The following SGMS1 variants were observed in gnomAD, a reference collection of about 807,000 sequenced individuals.
SGMS1 encodes the protein phosphatidylcholine:ceramide cholinephosphotransferase 1.
In SGMS1, 13 loss-of-function variants were observed where a neutral mutation model predicts 46.2. The ratio of observed to expected loss-of-function variants is 0.28; its 90% CI spans 0.18 to 0.45. SGMS1 has a LOEUF of 0.45. Among genes scored for constraint, SGMS1 ranks in the 20% least tolerant of loss-of-function variants. SGMS1 has a pLI of 1.00. For synonymous variants in SGMS1, 203 were observed against 187.8 expected, an observed-to-expected ratio of 1.08 and a Z score of -0.66; for missense variants, 324 against 519.9, an observed-to-expected ratio of 0.62 and a Z score of 3.66.
chr10:50,360,777 C>T (rs1332187406), intron 6 of SGMS1, among the ~76,000 whole-genome samples: 2 of 152,230 alleles, frequency 1.3e-5, no homozygotes, highest in Admixed American at 6.5e-5. Flanking sequence ...TCACACAACA[C>T]TCACTTCCTT....
intron 6 of SGMS1, among the ~76,000 whole-genome samples, chr10:50,369,837 ATGG>A (rs550832013): frequency 9.2e-4 from 140 of 152,320 alleles, no homozygotes; most frequent in African/African-American, 2.9e-3. Flanking sequence ...TGATTTTGTC[ATGG>A]TGTGAACATC....
chr10:50,575,803 A>T (rs1199027069), intron 2 of SGMS1, among the ~76,000 whole-genome samples: 1 of 152,218 alleles, frequency 6.6e-6, no homozygotes, highest in Non-Finnish European at 1.5e-5. Context: ...AAAGCAAGAA[A>T]GCTATGGCCC....
intron 1 of SGMS1, among the ~76,000 whole-genome samples, chr10:50,609,612 AAC>A (rs1362381940): frequency 6.7e-6 from 1 of 149,484 alleles, no homozygotes; most frequent in Non-Finnish European, 1.5e-5. Flanking sequence ...GACTATTCTC[AAC>A]AGTTACCTAG....
At chr10:50,432,666 T>C (rs1345392057) in intron 6 of SGMS1, among the ~76,000 whole-genome samples, 1 of 152,154 alleles carries the variant, frequency 6.6e-6, no homozygotes, top group East Asian at 1.9e-4. Flanking sequence ...GACACAAATA[T>C]AAGGAAGAAA....
chr10:50,385,894 G>A (rs1233969609), intron 6 of SGMS1, among the ~76,000 whole-genome samples: 1 of 152,122 alleles, frequency 6.6e-6, no homozygotes, highest in African/African-American at 2.4e-5. Context: ...CCTGTTATGT[G>A]CTGTGAAGGG....
chr10:50,319,628 T>C (rs1021082082), intron 8 of SGMS1, among the ~76,000 whole-genome samples: 1 of 152,232 alleles, frequency 6.6e-6, no homozygotes, highest in Non-Finnish European at 1.5e-5. Context: ...AGTTTCTTTA[T>C]AGAATATTGC....
At position 50,496,474 on chromosome 10, in the gene SGMS1, C is replaced by CAAA. The variant is rs569710566; in HGVS notation, c.-498+23354_-498+23356dup. Among the ~76,000 whole-genome samples, 15 of 152,268 alleles carry CAAA rather than the reference C, an allele frequency of 9.9e-5. No individual in the cohort carries two copies. The East Asian group carries it at 2.9e-3, about 29-fold the overall frequency. Reference sequence around the variant, plus strand: ...CACCACTCCACACTATGCCCATCACCAAACACTACCCAGAAAAGCAACGAG... The same window carrying CAAA: ...CACCACTCCACACTATGCCCATCACCAAAAAACACTACCCAGAAAAGCAACGAG... On this transcript the variant is annotated intron_variant, in intron 3 of 10. Transcript: ENST00000361781.
intron 8 of SGMS1, among the ~76,000 whole-genome samples, chr10:50,325,132 C>T (rs919402044): frequency 6.6e-5 from 10 of 152,050 alleles, no homozygotes; most frequent in South Asian, 2.1e-4. Flanking sequence ...GGTGAAATGA[C>T]GTTACCTGGG....
intron 3 of SGMS1, among the ~76,000 whole-genome samples, chr10:50,506,221 A>C (rs1486698957): frequency 6.6e-6 from 1 of 152,198 alleles, no homozygotes; most frequent in Non-Finnish European, 1.5e-5. Context: ...ACTAGTCACA[A>C]CTATAATTAA....
At chr10:50,411,406 T>G (rs1311926915) in intron 6 of SGMS1, among the ~76,000 whole-genome samples, 1 of 152,218 alleles carries the variant, frequency 6.6e-6, no homozygotes, top group African/African-American at 2.4e-5. Flanking sequence ...AACAATTCTA[T>G]TTTTACATCT....
intron 1 of SGMS1, among the ~76,000 whole-genome samples, chr10:50,617,534 T>C (rs1838809517): frequency 6.6e-6 from 1 of 152,210 alleles, no homozygotes; most frequent in Admixed American, 6.5e-5. Flanking sequence ...CTGTACACTT[T>C]GAATGGATTT....
At chr10:50,610,327 T>TA (rs968727752) in intron 1 of SGMS1, among the ~76,000 whole-genome samples, 10 of 152,172 alleles carry the variant, frequency 6.6e-5, no homozygotes, top group Non-Finnish European at 1.2e-4. Flanking sequence ...TCCACTTTCA[T>TA]AAAAAATGGG....
chr10:50,332,367 C>A (rs945752915), intron 7 of SGMS1, among the ~76,000 whole-genome samples: 5 of 152,122 alleles, frequency 3.3e-5, no homozygotes, highest in Non-Finnish European at 5.9e-5. Flanking sequence ...CAGAGAGGTC[C>A]CCTACTCTAA....
chr10:50,546,308 CAA>C (rs1164320430), intron 2 of SGMS1, among the ~76,000 whole-genome samples: 3 of 152,140 alleles, frequency 2.0e-5, no homozygotes, highest in Non-Finnish European at 4.4e-5. Context: ...AGGATTGTAA[CAA>C]AAGACCCTGC....
intron 6 of SGMS1, among the ~76,000 whole-genome samples, chr10:50,355,632 C>T (rs1357208133): frequency 1.3e-5 from 2 of 152,198 alleles, no homozygotes; most frequent in Admixed American, 6.5e-5. Flanking sequence ...ACAACCTCCA[C>T]CTCCCAGCCG....
At chr10:50,483,072 G>A (rs949601508) in intron 3 of SGMS1, among the ~76,000 whole-genome samples, 3 of 152,080 alleles carry the variant, frequency 2.0e-5, no homozygotes, top group Non-Finnish European at 4.4e-5. Context: ...CAAGTTTTGA[G>A]GGGTTTTTTG....
intron 3 of SGMS1, among the ~76,000 whole-genome samples, chr10:50,473,357 T>C (rs908657961): frequency 3.3e-5 from 5 of 152,206 alleles, no homozygotes; most frequent in Admixed American, 6.5e-5. Flanking sequence ...TCTTTTTAGA[T>C]ATGGAGAATA....
At chr10:50,449,393 A>T (rs948181644) in intron 5 of SGMS1, among the ~76,000 whole-genome samples, 1 of 152,166 alleles carries the variant, frequency 6.6e-6, no homozygotes, top group Non-Finnish European at 1.5e-5. Context: ...GGCTTTGATT[A>T]TGACAGATCT....
chr10:50,604,285 G>C (rs1338023267), intron 1 of SGMS1, among the ~76,000 whole-genome samples: 18 of 152,104 alleles, frequency 1.2e-4, no homozygotes, highest in Admixed American at 1.0e-3. Context: ...GCACGTAACA[G>C]GCTGCTCACC....
Sources: allele counts gnomAD v4.1 joint callset (sites outside exome capture counted in the v4.1 genomes callset), GRCh38; gene constraint gnomAD v4.1.1; transcripts MANE v1.5; gene names NCBI Gene and HGNC (gene_info 2026-07-23, HGNC 2026-07-21).